ZNF460: variants seen among roughly 807,000 people sequenced by gnomAD.
The protein encoded by ZNF460 is zinc finger protein 460.
In ZNF460, 1 loss-of-function variant was observed where a neutral mutation model predicts 8.4. The observed-to-expected ratio is 0.12, with a 90% CI of 0.04 to 0.56. The LOEUF (loss-of-function observed/expected upper bound fraction) is 0.56. Ranked by LOEUF, ZNF460 falls within the 20% of genes least tolerant of loss-of-function variation. ZNF460 has a pLI of 0.91. For synonymous variants in ZNF460, 262 were observed against 259.9 expected (o/e 1.01, Z -0.08); for missense variants, 477 against 714.8 (o/e 0.67, Z 3.79).
intron 2 of ZNF460, among the ~76,000 whole-genome samples, chr19:57,290,238 G>C (rs2087907002): frequency 6.6e-6 from 1 of 152,164 alleles, no homozygotes; most frequent in South Asian, 2.1e-4. Context: ...ATCCGCCTCA[G>C]CCTCCCAAAC....
At chr19:57,283,414 C>T (rs1236849759) in intron 1 of ZNF460, among the ~76,000 whole-genome samples, 1 of 151,474 alleles carries the variant, frequency 6.6e-6, no homozygotes, top group African/African-American at 2.4e-5. Flanking sequence ...ATGATCTGCT[C>T]ACCTCAGCCT....
intron 2 of ZNF460, among the ~76,000 whole-genome samples, chr19:57,290,117 G>T (rs1222417693): frequency 1.3e-5 from 2 of 151,460 alleles, no homozygotes; most frequent in East Asian, 3.9e-4. Context: ...TCCAGCCTAG[G>T]CAACAGAGTG....
intron 1 of ZNF460, among the ~76,000 whole-genome samples, chr19:57,281,556 ATTT>A (rs71293946): frequency 1.2e-4 from 10 of 85,066 alleles, no homozygotes; most frequent in African/African-American, 3.4e-4. Flanking sequence ...TAACCCTGAA[ATTT>A]TTTTTTTTTT....
At chr19:57,290,616 A>G (rs747791479) in intron 2 of ZNF460, 83 bp from the exon 3 acceptor site, 100 of 1,292,044 alleles carry the variant, frequency 7.7e-5, no homozygotes, top group Non-Finnish European at 1.0e-4. Context: ...CACTATTTTC[A>G]TCTTATTGTT....
chr19:57,288,332 A>G (rs1469428476), intron 2 of ZNF460, among the ~76,000 whole-genome samples: 1 of 152,152 alleles, frequency 6.6e-6, no homozygotes, highest in Non-Finnish European at 1.5e-5. Context: ...AGCTGGAACT[A>G]CAGGCTCATG....
In ZNF460 at chr19:57,290,926, T is replaced by C. The variant is rs775995722; in HGVS notation, c.385T>C (p.Leu129=). The C allele has an allele frequency of 1.2e-6, 2 of 1,614,222 alleles. No homozygotes were observed. Among genetic ancestry groups the C allele is most frequent in the East Asian group, 4.5e-5 (2 of 44,876 alleles). The change falls in exon 3 of 3, where the codon TTG becomes CTG. Residue 129 remains leucine, a synonymous_variant. Transcript: ENST00000360338. ...HGKMSLEHEG[L]ATADGICSMM... ...GAAAATGAGCCTTGAACACGAAGGT[T>C]TGGCGACAGCTGATGGTATTTGTTC...
intron 2 of ZNF460, among the ~76,000 whole-genome samples, chr19:57,287,157 C>G (rs939282756): frequency 6.6e-6 from 1 of 152,156 alleles, no homozygotes; most frequent in Non-Finnish European, 1.5e-5. Context: ...TTGAACTGCA[C>G]AGTGTGCTCT....
At chr19:57,289,658 C>T (rs1035627704) in intron 2 of ZNF460, among the ~76,000 whole-genome samples, 9 of 151,868 alleles carry the variant, frequency 5.9e-5, no homozygotes, top group African/African-American at 2.2e-4. Flanking sequence ...ATCTCTATTC[C>T]AGACCATCTG....
In ZNF460 at chr19:57,290,786, A is replaced by C. The variant is rs754201234; in HGVS notation, c.245A>C (p.Gln82Pro). The C allele has an allele frequency of 6.2e-7, 1 of 1,614,092 alleles. No individual in the cohort carries two copies. The highest frequency in any genetic ancestry group is 8.5e-7 in the Non-Finnish European group (1 of 1,180,044). ...EEVSLQEQLA[Q>P]GVPRYSYLGQ... The stretch of plus-strand genomic sequence containing the variant: ...GTCTCACTCCAGGAACAGCTGGCAC[A>C]GGGAGTCCCAAGATACTCCTATTTG... Residue 82 changes from glutamine to proline, a missense_variant, in exon 3 of 3, where the codon CAG becomes CCG. Gln to Pro is a moderately conservative substitution (Grantham distance 76). Transcript: ENST00000360338.
At chr19:57,285,832 G>A (rs1358591827) in intron 2 of ZNF460, among the ~76,000 whole-genome samples, 4 of 152,004 alleles carry the variant, frequency 2.6e-5, no homozygotes, top group Non-Finnish European at 5.9e-5. Flanking sequence ...CATTCTTTAT[G>A]GCCTCCTTGT....
chr19:57,283,131 C>T (rs2087851903), intron 1 of ZNF460, among the ~76,000 whole-genome samples: 2 of 144,828 alleles, frequency 1.4e-5, no homozygotes, highest in South Asian at 4.4e-4. Context: ...TGGCCTTTGC[C>T]TCAGTGTTTG....
Position 57,291,245 on chromosome 19 carries a change from G to A in ZNF460, c.704G>A (p.Arg235His). ...CTGGAGTGTGGGAAAGACTTCAACCGCAGGTCACACCTCACACGGCACCAG... is the reference window on the plus strand; with the variant it reads ...CTGGAGTGTGGGAAAGACTTCAACCACAGGTCACACCTCACACGGCACCAG... ...KCLECGKDFN[R>H]RSHLTRHQRT... Residue 235 changes from arginine to histidine, a missense_variant, in exon 3 of 3, where the codon CGC becomes CAC. Around this residue, in one of 5 missense-constraint regions of ZNF460, gnomAD observed 193 missense variants for 391.7 expected, o/e 0.49. Coordinates refer to ENST00000360338, the MANE Select transcript of ZNF460 (RefSeq NM_006635.4). The surrounding 1 kb of genome is among the most constrained non-coding windows in gnomAD (Gnocchi z 8.4). The A allele has an allele frequency of 6.2e-7, 1 of 1,614,078 alleles. No individual in the cohort carries two copies.
At chr19:57,284,823 T>G in intron 2 of ZNF460, 146 bp downstream of exon 2, 1 of 1,017,632 alleles carries the variant, frequency 9.8e-7, no homozygotes, top group Non-Finnish European at 1.3e-6. Context: ...ATTTTTTTTT[T>G]TTTTTTTTTG....
rs2122899368 is a variant in ZNF460, at chr19:57,292,634, T to G, written c.*404T>G. 1 of 165,962 alleles carries G rather than the reference T, an allele frequency of 6.0e-6. No individual in the cohort carries two copies. The highest frequency in any genetic ancestry group is 1.5e-4 in the South Asian group (1 of 6,498). 10.3% of individuals were successfully genotyped at this position (165,962 alleles called of 1,614,324 possible). A position where few individuals can be genotyped will look rare whatever the true frequency, so the allele number is the denominator to read the frequency against. ...AAGAGAAAGAAATGGAAGCACAGCT[T>G]CTTTCAGACTTCCCTGACAAGCCCA... is the stretch of plus-strand genomic sequence containing the variant. On this transcript the variant is annotated 3_prime_UTR_variant, in exon 3 of 3. Coordinates refer to ENST00000360338, the MANE Select transcript of ZNF460 (RefSeq NM_006635.4).
Position 57,292,223 on chromosome 19 carries a change from C to T in ZNF460, c.1682C>T (p.Pro561Leu). ...GGATTCATAGTGGAAGAAACCCTAC[C>T]ATTGTAACAGATGTGGAAAGACTTT... ...INGFIVEETLPL is the reference protein window; with the variant it reads ...INGFIVEETLLL Residue 561 changes from proline to leucine, a missense_variant, in exon 3 of 3, where the codon CCA (proline) becomes CTA (leucine). By Grantham distance (98) the Pro-to-Leu change is moderately conservative. Transcript: ENST00000360338. 6.2e-7 allele frequency: 1 copy of T among 1,608,988 alleles called. No homozygotes were observed. Among genetic ancestry groups the T allele is most frequent in the Non-Finnish European group, 8.5e-7 (1 of 1,176,150 alleles).
chr19:57,290,883 G>T lies in ZNF460; in HGVS notation c.342G>T (p.Gln114His), dbSNP rs548957292. ...EYFLRPGTDP[Q>H]SEKLHGKMSL... The stretch of plus-strand genomic sequence containing the variant: ...TTTTGAGACCAGGGACAGACCCACA[G>T]AGTGAGAAACTCCATGGGAAAATGA... The change falls in exon 3 of 3, where the codon CAG (glutamine) becomes CAT (histidine). Residue 114 changes from glutamine to histidine, a missense_variant. Transcript: ENST00000360338. 1 of 1,614,178 alleles carries T rather than the reference G, an allele frequency of 6.2e-7. No homozygotes were observed. Among genetic ancestry groups the T allele is most frequent in the Non-Finnish European group, 8.5e-7 (1 of 1,180,046 alleles).
rs375585419 is a variant in ZNF460 at position 57,283,150 on chromosome 19, T to G, written c.31-1401T>G. 1.2e-3 allele frequency among the ~76,000 whole-genome samples: 178 copies of G among 151,324 alleles called. 1 individual carries two copies. The highest frequency in any genetic ancestry group is 4.0e-3 in the African/African-American group (167 of 41,372). On this transcript the variant is annotated intron_variant, in intron 1 of 2. Transcript: ENST00000360338. ...CTTTGCCTCAGTGTTTGTTTGTTTTTTTTTTTTTTTACAAACAGTTTTTCT... is the reference window on the plus strand; with the variant it reads ...CTTTGCCTCAGTGTTTGTTTGTTTTGTTTTTTTTTTACAAACAGTTTTTCT...
Position 57,285,280 on chromosome 19 carries a change from C to A in ZNF460, c.157+603C>A, listed in dbSNP as rs149431466. Among the ~76,000 whole-genome samples, 402 of 152,286 alleles carry A rather than the reference C, an allele frequency of 2.6e-3. 2 individuals carry two copies. Among genetic ancestry groups the A allele is most frequent in the African/African-American group, 9.4e-3 (389 of 41,564 alleles). On this transcript the variant is annotated intron_variant, in intron 2 of 2. Transcript: ENST00000360338. ...CAAAGGCAGGATTTGCAGCCAGGCC[C>A]CCCTGTGGCACTAATACTGGTTGTC...
In ZNF460 at chr19:57,293,964, T is replaced by A. The variant is rs1372818120; in HGVS notation, c.*1734T>A. 1 of 152,242 alleles carries A rather than the reference T, an allele frequency of 6.6e-6. No homozygotes were observed. Among genetic ancestry groups the A allele is most frequent in the East Asian group, 1.9e-4 (1 of 5,206 alleles). The allele number at this position is 152,242 out of a possible 1,614,324, so 9.4% of individuals were successfully genotyped here. The stretch of plus-strand genomic sequence containing the variant: ...TGAGTAGTATTCCATTGTGTATATA[T>A]GCCATGTTTTCTTTCTTCATTCATC... On this transcript the variant is annotated 3_prime_UTR_variant, in exon 3 of 3. Transcript: ENST00000360338.
Sources: allele counts gnomAD v4.1 joint callset (sites outside exome capture counted in the v4.1 genomes callset), GRCh38; gene constraint gnomAD v4.1.1; regional missense constraint gnomAD v4.1.1; non-coding constraint Gnocchi (gnomAD v3.1); transcripts MANE v1.5; gene names NCBI Gene and HGNC (gene_info 2026-07-23, HGNC 2026-07-21).